Variants in GRM4 observed in about 807,000 individuals in gnomAD.
GRM4 encodes glutamate metabotropic receptor 4.
Under a neutral mutation model 81.7 loss-of-function variants are expected in GRM4, and 28 were observed. That is an observed-to-expected ratio of 0.34 (90% CI 0.25 to 0.47). The LOEUF is 0.47. GRM4 is among the 20% of genes least tolerant of loss of function. The pLI is 1.00. For missense variants in GRM4, 948 were observed against 1,290.0 expected (o/e 0.73, Z 4.06); for synonymous variants, 488 against 528.8 (o/e 0.92, Z 1.06).
chr6:34,113,758 C>T (rs1405070924), intron 2 of GRM4, among the ~76,000 whole-genome samples: 1 of 152,156 alleles, frequency 6.6e-6, no homozygotes, highest in Non-Finnish European at 1.5e-5. Context: ...TCTGACAGTG[C>T]TGCAAATCTG....
chr6:34,035,661 C>A lies in GRM4; in HGVS notation c.2442+7G>T. The A allele has an allele frequency of 6.4e-7, 1 of 1,553,024 alleles. No individual in the cohort carries two copies. The highest frequency in any genetic ancestry group is 1.2e-5 in the South Asian group (1 of 83,126). ...CCCACCGTCCACCCCCGGCCCCCAC[C>A]ACTCACCTTGTCGGCCGACTGCGAG... is the stretch of plus-strand genomic sequence containing the variant. On this transcript the variant is annotated splice_region_variant and intron_variant, in intron 9 of 10. Coordinates refer to ENST00000538487, the MANE Select transcript of GRM4 (RefSeq NM_000841.4). The surrounding 1 kb of genome is among the most constrained non-coding windows in gnomAD (Gnocchi z 6.6).
At chr6:34,151,003 G>A (rs1354573142), upstream of GRM4, among the ~76,000 whole-genome samples, 1 of 152,206 alleles carries the variant, frequency 6.6e-6, no homozygotes, top group Non-Finnish European at 1.5e-5. Flanking sequence ...GGTCCTGACT[G>A]TGCCCCTCCC....
At chr6:34,143,697 C>T (rs937805772) in intron 1 of GRM4, among the ~76,000 whole-genome samples, 5 of 152,228 alleles carry the variant, frequency 3.3e-5, no homozygotes, top group African/African-American at 7.2e-5. Context: ...GGACGCATCC[C>T]GGGAGTGTGG....
At chr6:34,110,308 C>CAAA (rs1237244995) in intron 2 of GRM4, among the ~76,000 whole-genome samples, 1 of 40,088 alleles carries the variant, frequency 2.5e-5, no homozygotes, top group South Asian at 6.3e-4. Flanking sequence ...ACAACACCCA[C>CAAA]CAAAAAAAAA....
At chr6:34,049,329 CT>C (rs958676951) in intron 6 of GRM4, among the ~76,000 whole-genome samples, 3 of 152,138 alleles carry the variant, frequency 2.0e-5, no homozygotes, top group Non-Finnish European at 4.4e-5. Flanking sequence ...CTCCAGTCCT[CT>C]CTTTATCGCC....
At chr6:34,039,329 AGGAGACGGC>A (rs1023646893) in intron 8 of GRM4, among the ~76,000 whole-genome samples, 138 of 152,166 alleles carry the variant, frequency 9.1e-4, no homozygotes, top group African/African-American at 3.0e-3. Flanking sequence ...TTATGACAAG[AGGAGACGGC>A]GGGGCCTCGA....
chr6:34,058,365 C>A (rs1487340033), intron 5 of GRM4, among the ~76,000 whole-genome samples: 1 of 152,142 alleles, frequency 6.6e-6, no homozygotes, highest in Non-Finnish European at 1.5e-5. Context: ...CTTGGAGAGG[C>A]AGATGTCTGC....
At chr6:34,155,354 C>T (rs1771131083) in exon 1 of GRM4, 4 of 1,511,336 alleles carry the variant, frequency 2.6e-6, no homozygotes, top group South Asian at 1.2e-5. Flanking sequence ...GCGCGCCAGC[C>T]GCAGGAAGCT....
At chr6:34,043,693 T>A (rs997430864) in intron 6 of GRM4, among the ~76,000 whole-genome samples, 4 of 152,082 alleles carry the variant, frequency 2.6e-5, no homozygotes, top group African/African-American at 4.8e-5. Flanking sequence ...CGCTGAAGCA[T>A]CCACTCCTGG....
chr6:34,141,141 G>A (rs951887051), intron 1 of GRM4, among the ~76,000 whole-genome samples: 2 of 152,222 alleles, frequency 1.3e-5, no homozygotes, highest in Non-Finnish European at 2.9e-5. Flanking sequence ...GCTAGCTTGT[G>A]TCACCCTAAG....
intron 2 of GRM4, among the ~76,000 whole-genome samples, chr6:34,124,842 C>A (rs113012339): frequency 5.3e-5 from 8 of 152,080 alleles, no homozygotes; most frequent in Admixed American, 2.6e-4. Context: ...CTTGAGGACC[C>A]CCCCCTAGAC....
rs1767191814 is a variant in GRM4, at chr6:34,074,257, CA to C, written c.737-12230del. Among the ~76,000 whole-genome samples, 1 of 152,234 alleles carries C rather than the reference CA, an allele frequency of 6.6e-6. No individual in the cohort carries two copies. The highest frequency in any genetic ancestry group is 2.4e-5 in the African/African-American group (1 of 41,468). ...GCTTCGTGATGAAAGCCACGTTGCC[CA>C]CTCTCCAACCCTCCATTTCCCCATC... On this transcript the variant is annotated intron_variant, in intron 3 of 10. Transcript: ENST00000538487. This position sits in a 1 kb window ranked among gnomAD's most constrained non-coding sequence, Gnocchi z 4.9.
intron 3 of GRM4, chr6:34,062,821 T>A (rs1049470195): frequency 6.6e-6 from 1 of 152,004 alleles, no homozygotes; most frequent in Non-Finnish European, 1.5e-5. Context: ...TCTCAAGTGC[T>A]GGCAGGGGAC....
intron 2 of GRM4, among the ~76,000 whole-genome samples, chr6:34,101,718 T>C (rs974443823): frequency 6.6e-6 from 1 of 152,224 alleles, no homozygotes; most frequent in African/African-American, 2.4e-5. Flanking sequence ...CCCTGGAAGG[T>C]TGTGTAAAAC....
chr6:34,132,557 C>A (rs1404098222), intron 2 of GRM4, among the ~76,000 whole-genome samples: 1 of 128,946 alleles, frequency 7.8e-6, no homozygotes, highest in African/African-American at 3.8e-5. Flanking sequence ...TTCTTCTTAT[C>A]TGTCTGTCTG....
chr6:34,077,284 A>C (rs527356036), intron 3 of GRM4, among the ~76,000 whole-genome samples: 1 of 152,112 alleles, frequency 6.6e-6, no homozygotes, highest in African/African-American at 2.4e-5. Flanking sequence ...TGACCAGCAC[A>C]TGCCGCTCTC....
At chr6:34,031,969 TCACACACACACAAA>T (rs966479637) in intron 9 of GRM4, among the ~76,000 whole-genome samples, 29 of 150,420 alleles carry the variant, frequency 1.9e-4, no homozygotes, top group South Asian at 2.1e-4. Context: ...TCTCTCTCTC[TCACACACACACAAA>T]CACACACACA....
intron 3 of GRM4, 82 bp from the exon 4 acceptor site, chr6:34,062,110 A>T: frequency 6.8e-7 from 1 of 1,469,196 alleles, no homozygotes; most frequent in Non-Finnish European, 9.3e-7. Flanking sequence ...ACTCCGGGAG[A>T]TGGGGGCTGG....
intron 6 of GRM4, chr6:34,056,297 C>G: frequency 1.9e-6 from 1 of 531,820 alleles, no homozygotes; most frequent in Non-Finnish European, 3.4e-6. Context: ...CCACATCAAC[C>G]CCGAGGCGGC....
Sources: allele counts gnomAD v4.1 joint callset (sites outside exome capture counted in the v4.1 genomes callset), GRCh38; gene constraint gnomAD v4.1.1; non-coding constraint Gnocchi (gnomAD v3.1); transcripts MANE v1.5; gene names NCBI Gene and HGNC (gene_info 2026-07-23, HGNC 2026-07-21).